The following MSI2 variants were observed in gnomAD, a reference collection of about 807,000 sequenced individuals.
MSI2 encodes the protein RNA-binding protein Musashi homolog 2.
A neutral mutation model predicts 45.6 loss-of-function variants in MSI2; 17 were observed. That is an observed-to-expected ratio of 0.37 (90% CI 0.26 to 0.56). MSI2 has a LOEUF of 0.56. Among genes scored for constraint, MSI2 ranks in the 20% least tolerant of loss-of-function variants. The probability of loss-of-function intolerance (pLI) is 0.77; values close to 1 mark genes in which losing one functional copy is unlikely to be tolerated. For missense variants in MSI2, 293 were observed against 444.2 expected (o/e 0.66, Z 3.06); for synonymous variants, 156 against 158.2 (o/e 0.99, Z 0.11).
At chr17:57,302,737 C>G (rs1418176124) in intron 5 of MSI2, among the ~76,000 whole-genome samples, 1 of 152,198 alleles carries the variant, frequency 6.6e-6, no homozygotes, top group African/African-American at 2.4e-5. Context: ...CAGCTGATGC[C>G]TGGTTCTGTT....
At chr17:57,510,442 C>T (rs1384396793) in intron 6 of MSI2, among the ~76,000 whole-genome samples, 3 of 149,572 alleles carry the variant, frequency 2.0e-5, no homozygotes, top group Non-Finnish European at 4.4e-5. Context: ...TTTTGTTTTT[C>T]TGGAGACAGA....
chr17:57,382,455 G>A (rs2083613429), intron 5 of MSI2, among the ~76,000 whole-genome samples: 1 of 152,176 alleles, frequency 6.6e-6, no homozygotes, highest in African/African-American at 2.4e-5. Flanking sequence ...GTGATAGGAG[G>A]TAAAGACAGG....
At chr17:57,435,581 C>T (rs1295632369) in intron 6 of MSI2, among the ~76,000 whole-genome samples, 1 of 152,198 alleles carries the variant, frequency 6.6e-6, no homozygotes, top group Non-Finnish European at 1.5e-5. Flanking sequence ...TTCTGTCGTA[C>T]ACCTCTAATC....
chr17:57,258,831 T>G (rs1465404464), intron 4 of MSI2, among the ~76,000 whole-genome samples: 1 of 151,986 alleles, frequency 6.6e-6, no homozygotes, highest in Non-Finnish European at 1.5e-5. Flanking sequence ...CACTTGGGAT[T>G]TGGAATGTGC....
rs374127253 is a variant in MSI2 at position 57,637,202 on chromosome 17, G to A, written c.727+9899G>A. Among the ~76,000 whole-genome samples, 49 of 152,292 alleles carry A rather than the reference G, an allele frequency of 3.2e-4. No individual in the cohort carries two copies. The East Asian group carries it at 8.7e-3, about 27-fold the overall frequency. ...ATACTTGGGGCCTATCCTCTCATTT[G>A]AATATTAAAGGCAAGCTTAGACAGG... On this transcript the variant is annotated intron_variant, in intron 10 of 13. Coordinates refer to ENST00000284073, the MANE Select transcript of MSI2 (RefSeq NM_138962.4).
At chr17:57,630,312 A>C (rs1252675584) in intron 10 of MSI2, 1 of 152,270 alleles carries the variant, frequency 6.6e-6, no homozygotes, top group Non-Finnish European at 1.5e-5. Flanking sequence ...TGAATGGGAC[A>C]GAAATCAGGC....
the MSI2 span, among the ~76,000 whole-genome samples, chr17:57,699,048 T>A: frequency 1.9e-5 from 2 of 105,936 alleles, no homozygotes; most frequent in Middle Eastern, 5.0e-3. Context: ...AGAGAGAGTG[T>A]GTGTGTGTGT....
intron 6 of MSI2, among the ~76,000 whole-genome samples, chr17:57,468,520 C>CAAAAAA (rs56105862): frequency 9.6e-6 from 1 of 104,382 alleles, no homozygotes. Context: ...GACTCTATCT[C>CAAAAAA]AAAAAAAAAA....
At chr17:57,287,288 T>G (rs1909996645) in intron 5 of MSI2, among the ~76,000 whole-genome samples, 1 of 152,152 alleles carries the variant, frequency 6.6e-6, no homozygotes, top group Non-Finnish European at 1.5e-5. Context: ...ACACCCAGCC[T>G]GGCGAGGCTG....
At chr17:57,654,808 C>T (rs527351454) in intron 11 of MSI2, among the ~76,000 whole-genome samples, 7 of 152,240 alleles carry the variant, frequency 4.6e-5, no homozygotes, top group African/African-American at 9.6e-5. Context: ...CAGTAGAAAA[C>T]GTGGCCTCTG....
At chr17:57,279,153 A>G (rs1313273819) in intron 5 of MSI2, 1 of 152,270 alleles carries the variant, frequency 6.6e-6, no homozygotes. Context: ...ATATGGACAC[A>G]CATGAGGTCG....
In MSI2 at chr17:57,508,985, AGG is replaced by A. The variant is rs200318365; in HGVS notation, c.406-20690_406-20689del. 5.6e-3 allele frequency among the ~76,000 whole-genome samples: 851 copies of A among 152,304 alleles called. 7 individuals carry two copies. Among genetic ancestry groups the A allele is most frequent in the African/African-American group, 0.019 (785 of 41,554 alleles). ...AAATGGTTTCTGTGGTCCAAGTGAGAGGACCCCTGAGTCAGATCAGCATCGAG... is the reference window on the plus strand; with the variant it reads ...AAATGGTTTCTGTGGTCCAAGTGAGAACCCCTGAGTCAGATCAGCATCGAG... On this transcript the variant is annotated intron_variant, in intron 6 of 13. Coordinates refer to ENST00000284073, the MANE Select transcript of MSI2 (RefSeq NM_138962.4).
intron 5 of MSI2, among the ~76,000 whole-genome samples, chr17:57,355,902 G>A (rs554883705): frequency 6.6e-6 from 1 of 152,086 alleles, no homozygotes. Flanking sequence ...GCTAGGACAT[G>A]GGCTATGTTT....
intron 11 of MSI2, among the ~76,000 whole-genome samples, chr17:57,663,582 C>G (rs938456557): frequency 1.3e-5 from 2 of 152,184 alleles, no homozygotes; most frequent in African/African-American, 2.4e-5. Flanking sequence ...GGGTCCGTCA[C>G]TGACTCAGGT....
chr17:57,330,939 A>C (rs1395719384), intron 5 of MSI2, among the ~76,000 whole-genome samples: 2 of 145,340 alleles, frequency 1.4e-5, no homozygotes, highest in African/African-American at 2.7e-5. Context: ...ACGGAGTCTC[A>C]CTCTGTACCC....
At chr17:57,658,458 T>A (rs896779438) in intron 11 of MSI2, among the ~76,000 whole-genome samples, 1 of 152,224 alleles carries the variant, frequency 6.6e-6, no homozygotes, top group Non-Finnish European at 1.5e-5. Flanking sequence ...GAGTCCAGCA[T>A]TGGATTTCAG....
chr17:57,295,579 A>G (rs1423691603), intron 5 of MSI2, among the ~76,000 whole-genome samples: 1 of 152,168 alleles, frequency 6.6e-6, no homozygotes, highest in Non-Finnish European at 1.5e-5. Context: ...CTGTTAAGGA[A>G]TAGACTTATT....
chr17:57,414,621 C>T (rs1442521435), intron 6 of MSI2, among the ~76,000 whole-genome samples: 1 of 152,046 alleles, frequency 6.6e-6, no homozygotes, highest in Non-Finnish European at 1.5e-5. Flanking sequence ...AAACTCCTGG[C>T]CTTAAAAGGA....
At chr17:57,563,985 G>A (rs1657605930) in intron 7 of MSI2, among the ~76,000 whole-genome samples, 1 of 152,174 alleles carries the variant, frequency 6.6e-6, no homozygotes, top group African/African-American at 2.4e-5. Context: ...CACCTCCTCT[G>A]AGGCGTGTCA....
Sources: gnomAD v4.1 joint callset for allele counts (sites outside exome capture counted in the v4.1 genomes callset) on GRCh38, gnomAD v4.1.1 for gene constraint, MANE v1.5 for transcripts, NCBI Gene and HGNC (gene_info 2026-07-23, HGNC 2026-07-21) for gene names.